Variants in SGCD observed in about 807,000 individuals in gnomAD.
The protein encoded by SGCD is sarcoglycan delta.
In SGCD, 18 loss-of-function variants were observed where a neutral mutation model predicts 36.6. The ratio of observed to expected loss-of-function variants is 0.49; its 90% CI spans 0.34 to 0.73. The LOEUF (loss-of-function observed/expected upper bound fraction) is 0.73. Among genes scored for constraint, SGCD ranks in the 30% least tolerant of loss-of-function variants. SGCD has a pLI of 0.01. For missense variants in SGCD, 387 were observed against 346.7 expected (o/e 1.12, Z -0.92); for synonymous variants, 133 against 130.6 (o/e 1.02, Z -0.12).
intron 6 of SGCD, among the ~76,000 whole-genome samples, chr5:156,619,038 T>TTTC (rs1554122920): frequency 6.7e-6 from 1 of 148,340 alleles, no homozygotes; most frequent in African/African-American, 2.5e-5. Context: ...TTTTTTTTTT[T>TTTC]CTTCTGAGAC....
At chr5:156,482,812 A>ATTT in intron 3 of SGCD, among the ~76,000 whole-genome samples, 1 of 57,144 alleles carries the variant, frequency 1.7e-5, no homozygotes, top group African/African-American at 6.1e-5. Flanking sequence ...CCTTTTGGTC[A>ATTT]GTTTTTTTTT....
rs755509278 is a variant in SGCD at position 156,759,259 on chromosome 5, C to T, written c.742C>T (p.His248Tyr). 5.6e-6 allele frequency: 9 copies of T among 1,613,738 alleles called. No individual in the cohort carries two copies. Among genetic ancestry groups the T allele is most frequent in the East Asian group, 2.2e-5 (1 of 44,890 alleles). The stretch of plus-strand genomic sequence containing the variant: ...GAAAATCAGGCTACCTAGACTGCCT[C>T]ATGGATCCTACACGCCTACAGGAAC... The part of the protein sequence containing the change: ...AAKIRLPRLP[H>Y]GSYTPTGTRQ... The change falls in exon 9 of 9, where the codon CAT becomes TAT. Residue 248 changes from histidine (H) to tyrosine (Y), a missense_variant. By Grantham distance (83) the His-to-Tyr change is moderately conservative (BLOSUM62 2). Transcript: ENST00000337851.
chr5:156,736,034 G>A (rs1328758365), intron 7 of SGCD, among the ~76,000 whole-genome samples: 1 of 152,062 alleles, frequency 6.6e-6, no homozygotes, highest in Non-Finnish European at 1.5e-5. Flanking sequence ...TGCTTACCTT[G>A]GCAAGGGAGG....
At chr5:156,085,453 T>G (rs1407423610) in intron 1 of SGCD, among the ~76,000 whole-genome samples, 1 of 152,150 alleles carries the variant, frequency 6.6e-6, no homozygotes, top group Non-Finnish European at 1.5e-5. Flanking sequence ...GTGAAGTGCC[T>G]GCTCCCACTC....
chr5:155,986,067 C>T (rs1038009935), intron 1 of SGCD, among the ~76,000 whole-genome samples: 5 of 152,136 alleles, frequency 3.3e-5, no homozygotes, highest in Admixed American at 2.6e-4. Context: ...AAAAAGTTAC[C>T]TTTTGTTCTA....
upstream of SGCD, among the ~76,000 whole-genome samples, chr5:156,322,812 T>G (rs1767706265): frequency 6.6e-6 from 1 of 152,194 alleles, no homozygotes; most frequent in Non-Finnish European, 1.5e-5. Flanking sequence ...ACAGACCAGT[T>G]GAGGGTTGCT....
At chr5:156,094,237 C>G (rs934660203) in intron 1 of SGCD, among the ~76,000 whole-genome samples, 1 of 152,170 alleles carries the variant, frequency 6.6e-6, no homozygotes, top group Non-Finnish European at 1.5e-5. Flanking sequence ...GTGGCAGGAT[C>G]TGTAAGGGGG....
chr5:155,751,847 T>G, the SGCD span, among the ~76,000 whole-genome samples: 1 of 152,298 alleles, frequency 6.6e-6, no homozygotes, highest in South Asian at 2.1e-4. Flanking sequence ...TGTGGACTAG[T>G]CTGATCATCC....
At chr5:156,492,727 C>T (rs750238240) in intron 3 of SGCD, among the ~76,000 whole-genome samples, 15 of 152,070 alleles carry the variant, frequency 9.9e-5, no homozygotes, top group African/African-American at 1.9e-4. Flanking sequence ...CCCCACCACC[C>T]GATAGGCCCT....
At chr5:155,981,523 C>G (rs1758228820) in intron 1 of SGCD, among the ~76,000 whole-genome samples, 1 of 152,114 alleles carries the variant, frequency 6.6e-6, no homozygotes, top group Non-Finnish European at 1.5e-5. Context: ...TTTTCTTAAA[C>G]TGATGTTTAG....
chr5:156,155,615 A>G (rs1259535283), intron 3 of SGCD, among the ~76,000 whole-genome samples: 2 of 128,574 alleles, frequency 1.6e-5, no homozygotes, highest in South Asian at 4.5e-4. Context: ...TGGGCTAGGA[A>G]AAAAAAAAAA....
At chr5:156,205,570 T>G (rs997818899) in intron 3 of SGCD, among the ~76,000 whole-genome samples, 8 of 152,102 alleles carry the variant, frequency 5.3e-5, no homozygotes, top group African/African-American at 1.9e-4. Context: ...CATTTTATCC[T>G]ATTTTTTAGT....
intron 3 of SGCD, among the ~76,000 whole-genome samples, chr5:156,260,728 A>G (rs1222135593): frequency 6.6e-6 from 1 of 152,178 alleles, no homozygotes; most frequent in Non-Finnish European, 1.5e-5. Flanking sequence ...AATTTTGAAT[A>G]GAAGCACTGA....
intron 1 of SGCD, among the ~76,000 whole-genome samples, chr5:156,032,070 C>A (rs1303619821): frequency 1.3e-5 from 2 of 151,850 alleles, no homozygotes; most frequent in African/African-American, 4.8e-5. Flanking sequence ...CTTCAGGTTT[C>A]CTTCTAGGCC....
At chr5:156,513,969 C>T (rs1483324967) in intron 4 of SGCD, among the ~76,000 whole-genome samples, 1 of 152,136 alleles carries the variant, frequency 6.6e-6, no homozygotes, top group African/African-American at 2.4e-5. Flanking sequence ...CTTAGAAATA[C>T]CACTTGAATG....
chr5:156,500,125 C>T (rs956809441), intron 3 of SGCD, among the ~76,000 whole-genome samples: 1 of 152,116 alleles, frequency 6.6e-6, no homozygotes, highest in African/African-American at 2.4e-5. Context: ...TTTTTGTCCA[C>T]TGGGGGCTGT....
In SGCD at chr5:156,537,459, CCACACACACACACACACA is replaced by C. The variant is rs769070218; in HGVS notation, c.294+28788_294+28805del. Among the ~76,000 whole-genome samples, 10 of 125,892 alleles carry C rather than the reference CCACACACACACACACACA, an allele frequency of 7.9e-5. No individual in the cohort carries two copies. In the South Asian group the frequency reaches 1.2e-3, roughly 15 times the overall value. The allele number at this position is 125,892 out of a possible 152,430, so 82.6% of individuals were successfully genotyped here. ...TGGGCTTGAGGTTAGAAGGTAGCAG[CCACACACACACACACACA>C]CACACACACACACACACACACACAC... On this transcript the variant is annotated intron_variant, in intron 4 of 8. Coordinates refer to ENST00000337851, the MANE Select transcript of SGCD (RefSeq NM_000337.6).
At chr5:155,891,073 A>G (rs1253875088) in intron 1 of SGCD, among the ~76,000 whole-genome samples, 2 of 152,186 alleles carry the variant, frequency 1.3e-5, no homozygotes, top group Non-Finnish European at 1.5e-5. Context: ...GAGGAACATG[A>G]CATGTGTTGG....
At chr5:156,291,328 C>A (rs1173426121) in intron 3 of SGCD, among the ~76,000 whole-genome samples, 2 of 152,192 alleles carry the variant, frequency 1.3e-5, no homozygotes, top group Non-Finnish European at 2.9e-5. Context: ...GGTCATTTTA[C>A]ATGCTATGCA....
Sources: gnomAD v4.1 joint callset for allele counts (sites outside exome capture counted in the v4.1 genomes callset) on GRCh38, gnomAD v4.1.1 for gene constraint, MANE v1.5 for transcripts, NCBI Gene and HGNC (gene_info 2026-07-23, HGNC 2026-07-21) for gene names.